SECISBP2: variants seen among roughly 807,000 people sequenced by gnomAD.
SECISBP2 encodes the protein SECIS binding protein 2.
A neutral mutation model predicts 98.2 loss-of-function variants in SECISBP2; 96 were observed. The ratio of observed to expected loss-of-function variants is 0.98; its 90% CI spans 0.83 to 1.16. SECISBP2 has a LOEUF of 1.16. Among genes scored for constraint, SECISBP2 ranks in the 50% most tolerant of loss-of-function variants. The pLI is 0.00. For missense variants in SECISBP2, 1,046 were observed against 1,022.9 expected (o/e 1.02, Z -0.31); for synonymous variants, 407 against 370.2 (o/e 1.10, Z -1.14).
chr9:89,333,303 G>A (rs1828058376), intron 6 of SECISBP2, among the ~76,000 whole-genome samples: 1 of 152,196 alleles, frequency 6.6e-6, no homozygotes, highest in Admixed American at 6.5e-5. Flanking sequence ...TTTAAAGATT[G>A]AGAACCCCAA....
intron 13 of SECISBP2, among the ~76,000 whole-genome samples, chr9:89,350,251 G>C (rs1831074661): frequency 1.3e-5 from 2 of 152,308 alleles, no homozygotes; most frequent in South Asian, 4.2e-4. Flanking sequence ...AATGTCTTAG[G>C]CAGCAGGATT....
At position 89,334,630 on chromosome 9, in the gene SECISBP2, C is replaced by T. The variant is rs1485761526; in HGVS notation, c.989C>T (p.Ser330Leu). The T allele has an allele frequency of 6.2e-7, 1 of 1,613,894 alleles. No homozygotes were observed. Among genetic ancestry groups the T allele is most frequent in the South Asian group, 1.1e-5 (1 of 91,076 alleles). The change falls in exon 7 of 17, where the codon TCA becomes TTA. Residue 330 changes from serine (S) to leucine (L), a missense_variant. Ser to Leu is a moderately radical substitution (Grantham distance 145). Coordinates refer to ENST00000375807, the MANE Select transcript of SECISBP2 (RefSeq NM_024077.5). ...ATGATAAACTTAAAGACCATTGCTTCATCAGCAGATCCTAAAAATGTTAGT... is the reference window on the plus strand; with the variant it reads ...ATGATAAACTTAAAGACCATTGCTTTATCAGCAGATCCTAAAAATGTTAGT... ...TSMINLKTIA[S>L]SADPKNVSIP...
chr9:89,353,262 T>C (rs1564441553), intron 14 of SECISBP2, among the ~76,000 whole-genome samples: 1 of 152,192 alleles, frequency 6.6e-6, no homozygotes, highest in Admixed American at 6.5e-5. Context: ...TGAGAACTTC[T>C]GCTGTAGGAT....
Position 89,346,899 on chromosome 9 carries a change from C to A in SECISBP2, c.1453C>A (p.Leu485Ile), listed in dbSNP as rs1036119720. 1.2e-6 allele frequency: 2 copies of A among 1,614,126 alleles called. No homozygotes were observed. Reference sequence around the variant, plus strand: ...CGTTTCAGTTGGAGCAGTGCCAGTCCTTTCCAAAGAATGTGCATCAGGGGA... The same window carrying A: ...CGTTTCAGTTGGAGCAGTGCCAGTCATTTCCAAAGAATGTGCATCAGGGGA... ...VVVSVGAVPV[L>I]SKECASGERG... is the part of the protein sequence containing the mutation. Residue 485 changes from leucine (L) to isoleucine (I), a missense_variant, in exon 11 of 17, where the codon CTT becomes ATT. Leu to Ile is a conservative substitution (Grantham distance 5, BLOSUM62 2). Transcript: ENST00000375807.
chr9:89,363,848 A>G, downstream of SECISBP2: 1 of 1,614,138 alleles, frequency 6.2e-7, no homozygotes, highest in Non-Finnish European at 8.5e-7. Flanking sequence ...CAGCCAGCTG[A>G]GTGCATGGGC....
In SECISBP2 at chr9:89,350,839, G is replaced by A. The variant is rs1006179204; in HGVS notation, c.2100G>A (p.Lys700=). The A allele has an allele frequency of 8.7e-6, 14 of 1,613,832 alleles. No individual in the cohort carries two copies. Among genetic ancestry groups the A allele is most frequent in the Non-Finnish European group, 9.3e-6 (11 of 1,179,776 alleles). ...KCVIISPNCE[K]IQSKGGLDDT... is the part of the protein sequence containing the mutation. ...TCATTATTTCTCCCAACTGTGAGAA[G>A]ATACAGTCAAAAGGTAAAGGCACAG... The change falls in exon 14 of 17, where the codon AAG becomes AAA. Residue 700 remains lysine (K), a synonymous_variant. Transcript: ENST00000375807.
chr9:89,342,388 A>G (rs534617193), intron 10 of SECISBP2, among the ~76,000 whole-genome samples: 53 of 152,228 alleles, frequency 3.5e-4, no homozygotes, highest in African/African-American at 1.2e-3. Context: ...CTACTTAACA[A>G]TGCTCAATGC....
At position 89,346,957 on chromosome 9, in the gene SECISBP2, C is replaced by T. The variant is rs779143879; in HGVS notation, c.1511C>T (p.Pro504Leu). The T allele has an allele frequency of 1.4e-5, 23 of 1,614,002 alleles. No homozygotes were observed. Among genetic ancestry groups the T allele is most frequent in the South Asian group, 6.6e-5 (6 of 91,080 alleles). The change falls in exon 11 of 17, where the codon CCG becomes CTG. Residue 504 changes from proline to leucine, a missense_variant. Transcript: ENST00000375807. ...CGCCGCATGAGTCAAATGAAGACCCCGCACAATCCCTTGGACTCCAGCGCC... is the reference window on the plus strand; with the variant it reads ...CGCCGCATGAGTCAAATGAAGACCCTGCACAATCCCTTGGACTCCAGCGCC... ...RGRRMSQMKT[P>L]HNPLDSSAPL...
chr9:89,366,745 T>C, the SECISBP2 span, among the ~76,000 whole-genome samples: 1 of 152,240 alleles, frequency 6.6e-6, no homozygotes, highest in Non-Finnish European at 1.5e-5. Flanking sequence ...AAACAGATTT[T>C]TTTGAGCTGT....
At chr9:89,318,699 T>A in intron 1 of SECISBP2, 87 bp downstream of exon 1, 1 of 1,309,930 alleles carries the variant, frequency 7.6e-7, no homozygotes, top group Non-Finnish European at 9.8e-7. Context: ...ACGGGGCTGG[T>A]CCAGCGGGCG....
chr9:89,363,653 A>G, downstream of SECISBP2: 1 of 1,593,330 alleles, frequency 6.3e-7, no homozygotes, highest in African/African-American at 1.3e-5. Flanking sequence ...CCGTGCAAGC[A>G]TGCTTTCCAG....
At chr9:89,336,603 C>T (rs1398433174) in intron 7 of SECISBP2, among the ~76,000 whole-genome samples, 3 of 151,360 alleles carry the variant, frequency 2.0e-5, no homozygotes, top group African/African-American at 7.3e-5. Context: ...GTGCTTGTTC[C>T]TCATTGCTCT....
At chr9:89,353,947 T>C (rs1831675905) in intron 14 of SECISBP2, among the ~76,000 whole-genome samples, 1 of 152,244 alleles carries the variant, frequency 6.6e-6, no homozygotes, top group Non-Finnish European at 1.5e-5. Flanking sequence ...ATTTGCCAGA[T>C]AAGATAGCCA....
At chr9:89,325,214 GC>G (rs1826482666) in intron 2 of SECISBP2, 7 of 572,088 alleles carry the variant, frequency 1.2e-5, no homozygotes, top group Non-Finnish European at 2.2e-5. Flanking sequence ...CGGACTTCCA[GC>G]TCATTAGTGA....
intron 7 of SECISBP2, among the ~76,000 whole-genome samples, chr9:89,337,703 G>T (rs544708705): frequency 2.6e-4 from 39 of 152,126 alleles, no homozygotes; most frequent in Non-Finnish European, 4.4e-4. Flanking sequence ...GTGTAAATTC[G>T]CACTGGGTAT....
chr9:89,345,997 C>T (rs959976756), intron 10 of SECISBP2, among the ~76,000 whole-genome samples: 6 of 152,092 alleles, frequency 3.9e-5, no homozygotes, highest in East Asian at 3.9e-4. Context: ...GTCAGACAGG[C>T]GAGATTTAGT....
chr9:89,348,703 A>G lies in SECISBP2; in HGVS notation c.1738+489A>G, dbSNP rs570145261. ...ATCAAGAAGCAAAACACAGCCCAGC[A>G]ATTGCTTGTGCCCTCTTGTCAGAGG... On this transcript the variant is annotated intron_variant, in intron 12 of 16. Transcript: ENST00000375807. Among the ~76,000 whole-genome samples, 19 of 152,364 alleles carry G rather than the reference A, an allele frequency of 1.2e-4. No homozygotes were observed. In the East Asian group the frequency reaches 2.1e-3, roughly 17 times the overall value.
intron 4 of SECISBP2, among the ~76,000 whole-genome samples, 181 bp downstream of exon 4, chr9:89,326,219 C>T (rs1484336966): frequency 1.3e-5 from 2 of 152,148 alleles, no homozygotes; most frequent in Admixed American, 1.3e-4. Context: ...GTATTTCTTC[C>T]CAGGGATGGG....
At position 89,350,828 on chromosome 9, in the gene SECISBP2, A is replaced by T; in HGVS notation, c.2089A>T (p.Asn697Tyr). 4 of 1,614,202 alleles carry T rather than the reference A, an allele frequency of 2.5e-6. No individual in the cohort carries two copies. The highest frequency in any genetic ancestry group is 3.4e-6 in the Non-Finnish European group (4 of 1,180,028). The change falls in exon 14 of 17, where the codon AAC becomes TAC. Residue 697 changes from asparagine to tyrosine, a missense_variant. Asn to Tyr is a moderately radical substitution (Grantham distance 143). Transcript: ENST00000375807. ...ACTGAAATGTGTCATTATTTCTCCC[A>T]ACTGTGAGAAGATACAGTCAAAAGG... is the stretch of plus-strand genomic sequence containing the variant. ...KKLKCVIISP[N>Y]CEKIQSKGGL...
Sources: allele counts gnomAD v4.1 joint callset (sites outside exome capture counted in the v4.1 genomes callset), GRCh38; gene constraint gnomAD v4.1.1; transcripts MANE v1.5; gene names NCBI Gene and HGNC (gene_info 2026-07-23, HGNC 2026-07-21).